Variants in PHF24 observed in about 807,000 individuals in gnomAD.
PHF24 encodes the protein Galpha inhibitory interacting protein.
In PHF24, 25 loss-of-function variants were observed where a neutral mutation model predicts 42.6. That is an observed-to-expected ratio of 0.59 (90% CI 0.43 to 0.82). PHF24 has a LOEUF of 0.82. Ranked by LOEUF, PHF24 falls within the 40% of genes least tolerant of loss-of-function variation. PHF24 has a pLI of 0.00. For synonymous variants in PHF24, 185 were observed against 204.8 expected, an observed-to-expected ratio of 0.90 and a Z score of 0.83; for missense variants, 470 against 538.1, an observed-to-expected ratio of 0.87 and a Z score of 1.25.
the PHF24 span, chr9:34,724,482 C>A: frequency 5.9e-5 from 91 of 1,551,668 alleles, no homozygotes; most frequent in Non-Finnish European, 2.2e-5. Flanking sequence ...TTCTCTGGTG[C>A]TGCAACAGTT....
chr9:34,792,175 C>T, the PHF24 span, among the ~76,000 whole-genome samples: 1 of 152,210 alleles, frequency 6.6e-6, no homozygotes, highest in South Asian at 2.1e-4. Context: ...AGACGAAGTG[C>T]TTCCCTGTGT....
chr9:34,671,127 T>C, the PHF24 span, among the ~76,000 whole-genome samples: 3 of 152,198 alleles, frequency 2.0e-5, no homozygotes, highest in Admixed American at 2.0e-4. Flanking sequence ...TGAGTTAGAA[T>C]AGCTGGAGGA....
At chr9:34,758,451 G>C in the PHF24 span, among the ~76,000 whole-genome samples, 1 of 152,126 alleles carries the variant, frequency 6.6e-6, no homozygotes, top group Non-Finnish European at 1.5e-5. This position sits in a 1 kb window ranked among gnomAD's most constrained non-coding sequence, Gnocchi z 4.4. Flanking sequence ...TGTTCCTCTG[G>C]CTGGAAGTAT....
At chr9:34,885,618 C>T in the PHF24 span, among the ~76,000 whole-genome samples, 1 of 152,158 alleles carries the variant, frequency 6.6e-6, no homozygotes, top group African/African-American at 2.4e-5. Context: ...TCCTGCTTCC[C>T]AGTCCACTTC....
chr9:34,682,067 C>T, the PHF24 span, among the ~76,000 whole-genome samples: 4 of 39,048 alleles, frequency 1.0e-4, no homozygotes, highest in African/African-American at 3.2e-4. Flanking sequence ...CTCAACCTCC[C>T]AGGCTCGAGA....
the PHF24 span, among the ~76,000 whole-genome samples, chr9:34,798,315 A>G: frequency 6.6e-6 from 1 of 152,212 alleles, no homozygotes; most frequent in African/African-American, 2.4e-5. Context: ...CCCATCACCC[A>G]AATAGTGAAT....
the PHF24 span, among the ~76,000 whole-genome samples, chr9:34,888,726 A>T: frequency 6.6e-6 from 1 of 152,180 alleles, no homozygotes; most frequent in Non-Finnish European, 1.5e-5. Context: ...TCATCAATGA[A>T]TTTTGCCTGT....
chr9:34,864,520 C>T, the PHF24 span, among the ~76,000 whole-genome samples: 1 of 151,868 alleles, frequency 6.6e-6, no homozygotes, highest in Non-Finnish European at 1.5e-5. Context: ...AAAAAAAAAA[C>T]TTTTACCCTA....
upstream of PHF24, chr9:34,958,220 C>CCG (rs1028455056): frequency 1.0e-4 from 16 of 158,542 alleles, no homozygotes; most frequent in Middle Eastern, 3.0e-3. The surrounding 1 kb of genome is among the most constrained non-coding windows in gnomAD (Gnocchi z 4.5). Context: ...TGTGCTCCGG[C>CCG]CGCGCGCGCC....
chr9:34,916,328 G>A, the PHF24 span, among the ~76,000 whole-genome samples: 1 of 152,134 alleles, frequency 6.6e-6, no homozygotes, highest in African/African-American at 2.4e-5. Flanking sequence ...CTTTTATCGG[G>A]GTAGGAACCC....
chr9:34,808,466 C>T, the PHF24 span, among the ~76,000 whole-genome samples: 1 of 151,906 alleles, frequency 6.6e-6, no homozygotes, highest in Admixed American at 6.6e-5. Flanking sequence ...TATCCCCCCG[C>T]CAAAAAAATA....
chr9:34,714,006 T>C, the PHF24 span, among the ~76,000 whole-genome samples: 1 of 152,072 alleles, frequency 6.6e-6, no homozygotes, highest in Non-Finnish European at 1.5e-5. Context: ...GGGTTGAAGA[T>C]GGAGGTACTG....
the PHF24 span, among the ~76,000 whole-genome samples, chr9:34,780,734 A>G: frequency 6.6e-6 from 1 of 152,344 alleles, no homozygotes; most frequent in African/African-American, 2.4e-5. Flanking sequence ...CAGAACATAT[A>G]AATAAATCCT....
At chr9:34,672,769 G>T in the PHF24 span, among the ~76,000 whole-genome samples, 5 of 152,154 alleles carry the variant, frequency 3.3e-5, no homozygotes, top group East Asian at 9.7e-4. Context: ...TTTCAATATT[G>T]CTACATTTGG....
chr9:34,764,890 G>A, the PHF24 span, among the ~76,000 whole-genome samples: 1 of 150,934 alleles, frequency 6.6e-6, no homozygotes, highest in Admixed American at 6.6e-5. Context: ...AGAGATTCTG[G>A]TATGTTGTGT....
At chr9:34,803,830 T>C in the PHF24 span, among the ~76,000 whole-genome samples, 1 of 152,190 alleles carries the variant, frequency 6.6e-6, no homozygotes, top group Non-Finnish European at 1.5e-5. Flanking sequence ...AATATAGGCC[T>C]CAGCAATAAT....
chr9:34,791,349 C>G, the PHF24 span, among the ~76,000 whole-genome samples: 2 of 152,104 alleles, frequency 1.3e-5, no homozygotes, highest in Non-Finnish European at 2.9e-5. Context: ...AAGGAGATGC[C>G]ATTTACTGAG....
At chr9:34,911,303 A>G in the PHF24 span, among the ~76,000 whole-genome samples, 2 of 151,338 alleles carry the variant, frequency 1.3e-5, no homozygotes, top group African/African-American at 2.4e-5. Context: ...CACCCAGGCT[A>G]GAGTGCAGTG....
the PHF24 span, among the ~76,000 whole-genome samples, chr9:34,803,778 A>T: frequency 6.6e-6 from 1 of 152,224 alleles, no homozygotes; most frequent in African/African-American, 2.4e-5. Context: ...CGTTTTACAT[A>T]TTAAAACAAG....
Sources: gnomAD v4.1 joint callset for allele counts (sites outside exome capture counted in the v4.1 genomes callset) on GRCh38, gnomAD v4.1.1 for gene constraint, Gnocchi (gnomAD v3.1) non-coding constraint, MANE v1.5 for transcripts, NCBI Gene and HGNC (gene_info 2026-07-23, HGNC 2026-07-21) for gene names.